Variants in ANXA8 observed in about 807,000 individuals in gnomAD.
ANXA8 encodes annexin A8, also known as VAC-beta.
Under a neutral mutation model 26.8 loss-of-function variants are expected in ANXA8, and 9 were observed. The ratio of observed to expected loss-of-function variants is 0.34; its 90% CI spans 0.20 to 0.59. The LOEUF (loss-of-function observed/expected upper bound fraction) is 0.59. Ranked by LOEUF, ANXA8 falls within the 20% of genes least tolerant of loss-of-function variation. The pLI is 0.84. For missense variants in ANXA8, 83 were observed against 238.5 expected, an observed-to-expected ratio of 0.35 and a Z score of 4.29; for synonymous variants, 39 against 94.8, an observed-to-expected ratio of 0.41 and a Z score of 3.42.
the ANXA8 span, among the ~76,000 whole-genome samples, chr10:47,745,074 C>T: frequency 6.6e-6 from 1 of 151,360 alleles, no homozygotes; most frequent in Non-Finnish European, 1.5e-5. Flanking sequence ...CCATTTTTCA[C>T]TTTCACTCTT....
the ANXA8 span, among the ~76,000 whole-genome samples, chr10:47,646,836 T>C: frequency 6.6e-6 from 1 of 152,212 alleles, no homozygotes; most frequent in African/African-American, 2.4e-5. Context: ...TCTTCAGAAA[T>C]AAAGAAAGTA....
the ANXA8 span, among the ~76,000 whole-genome samples, chr10:47,985,127 A>G: frequency 1.1e-4 from 7 of 61,066 alleles, no homozygotes; most frequent in Admixed American, 7.0e-4. Flanking sequence ...ACTCAACAGT[A>G]AAAAAAAAAA....
chr10:47,628,354 T>C, the ANXA8 span, among the ~76,000 whole-genome samples: 1 of 152,124 alleles, frequency 6.6e-6, no homozygotes, highest in South Asian at 2.1e-4. Flanking sequence ...ATACATGTTA[T>C]ACAAGAGAAG....
At chr10:47,650,763 C>T in the ANXA8 span, among the ~76,000 whole-genome samples, 2 of 146,446 alleles carry the variant, frequency 1.4e-5, no homozygotes, top group South Asian at 4.3e-4. Context: ...GTGGAGATCG[C>T]ACCACTGCAC....
At chr10:47,976,510 C>G in the ANXA8 span, among the ~76,000 whole-genome samples, 1 of 149,784 alleles carries the variant, frequency 6.7e-6, no homozygotes, top group African/African-American at 2.4e-5. Flanking sequence ...GAGTTTGAGA[C>G]CAGTCTGGAC....
chr10:47,507,854 T>A, the ANXA8 span, among the ~76,000 whole-genome samples: 1 of 104,724 alleles, frequency 9.5e-6, no homozygotes, highest in Non-Finnish European at 1.9e-5. Context: ...TTTATATGCT[T>A]TTCTACCGAT....
At chr10:47,534,913 C>T in the ANXA8 span, among the ~76,000 whole-genome samples, 49 of 92,970 alleles carry the variant, frequency 5.3e-4, no homozygotes, top group Middle Eastern at 4.6e-3. Flanking sequence ...CCTCGGCCTC[C>T]CAAAGTGCTG....
chr10:47,688,064 G>A, the ANXA8 span, among the ~76,000 whole-genome samples: 132 of 151,310 alleles, frequency 8.7e-4, 3 homozygotes, highest in Middle Eastern at 3.4e-3. Flanking sequence ...TCGCGTCATT[G>A]CACTCCAGAC....
chr10:47,665,357 T>A, the ANXA8 span, among the ~76,000 whole-genome samples: 1,151 of 144,140 alleles, frequency 8.0e-3, 7 homozygotes, highest in Middle Eastern at 0.018. Context: ...GAGGAATGAT[T>A]GTTACATCCG....
chr10:47,649,554 A>G, the ANXA8 span, among the ~76,000 whole-genome samples: 3 of 151,112 alleles, frequency 2.0e-5, no homozygotes, highest in Non-Finnish European at 4.4e-5. Context: ...GACTACAGGC[A>G]CGCACCACCA....
the ANXA8 span, among the ~76,000 whole-genome samples, chr10:47,537,447 G>A: frequency 1.3e-5 from 2 of 151,420 alleles, no homozygotes; most frequent in African/African-American, 4.9e-5. Context: ...ATCCCTAAAT[G>A]ATTCAATTGT....
chr10:47,606,368 C>T, the ANXA8 span, among the ~76,000 whole-genome samples: 4 of 148,440 alleles, frequency 2.7e-5, no homozygotes, highest in South Asian at 8.4e-4. Flanking sequence ...AGGATCCCAG[C>T]CACACTCCTG....
chr10:47,652,034 G>A, the ANXA8 span, among the ~76,000 whole-genome samples: 1 of 150,964 alleles, frequency 6.6e-6, no homozygotes, highest in Non-Finnish European at 1.5e-5. Flanking sequence ...CTGAGTGAAA[G>A]AAGCCACGAA....
At chr10:47,548,916 G>A in the ANXA8 span, among the ~76,000 whole-genome samples, 1 of 152,276 alleles carries the variant, frequency 6.6e-6, no homozygotes, top group Non-Finnish European at 1.5e-5. Context: ...AAGGGTTTAT[G>A]TAAGCTAAAT....
At chr10:47,697,187 G>T in the ANXA8 span, among the ~76,000 whole-genome samples, 4 of 152,196 alleles carry the variant, frequency 2.6e-5, no homozygotes, top group African/African-American at 9.6e-5. Context: ...ACCAGGATTT[G>T]AATCCTGGCC....
the ANXA8 span, among the ~76,000 whole-genome samples, chr10:47,628,217 T>C: frequency 6.6e-6 from 1 of 151,922 alleles, no homozygotes; most frequent in Non-Finnish European, 1.5e-5. Context: ...TTGCTAGTGT[T>C]TCACTTAAAA....
At chr10:47,695,053 G>A in the ANXA8 span, among the ~76,000 whole-genome samples, 2 of 151,636 alleles carry the variant, frequency 1.3e-5, no homozygotes, top group African/African-American at 4.9e-5. Flanking sequence ...CACAGTCCTA[G>A]CTTTCAGAAT....
chr10:47,627,558 T>C, the ANXA8 span, among the ~76,000 whole-genome samples: 1 of 149,928 alleles, frequency 6.7e-6, no homozygotes, highest in East Asian at 1.9e-4. Context: ...CACTGGCATT[T>C]ATTGGCACTT....
chr10:47,755,539 G>GCCACC, the ANXA8 span, among the ~76,000 whole-genome samples: 1 of 144,992 alleles, frequency 6.9e-6, no homozygotes, highest in African/African-American at 2.6e-5. Context: ...ACAGGTGTGA[G>GCCACC]CCACCGTGCC....
Sources: gnomAD v4.1 joint callset for allele counts (sites outside exome capture counted in the v4.1 genomes callset) on GRCh38, gnomAD v4.1.1 for gene constraint, MANE v1.5 for transcripts, NCBI Gene and HGNC (gene_info 2026-07-23, HGNC 2026-07-21) for gene names.